Variants in SUMF1 observed in about 807,000 individuals in gnomAD.
SUMF1 encodes the protein formylglycine-generating enzyme.
In SUMF1, 48 loss-of-function variants were observed where a neutral mutation model predicts 47.6. The observed-to-expected ratio is 1.01, with a 90% CI of 0.80 to 1.28. The LOEUF is 1.28. Among genes scored for constraint, SUMF1 ranks in the 50% most tolerant of loss-of-function variants. The pLI is 0.00. For synonymous variants in SUMF1, 230 were observed against 192.1 expected (o/e 1.20, Z -1.63); for missense variants, 571 against 485.4 (o/e 1.18, Z -1.66).
chr3:4,152,995 C>G (rs1468193164), intron 8 of SUMF1, among the ~76,000 whole-genome samples: 2 of 151,510 alleles, frequency 1.3e-5, no homozygotes, highest in Non-Finnish European at 2.9e-5. Context: ...TTGGCATAAG[C>G]TAAGCAAAAA....
intron 8 of SUMF1, among the ~76,000 whole-genome samples, chr3:4,153,142 C>T (rs73118415): frequency 0.011 from 1,607 of 151,462 alleles, 93 homozygotes; most frequent in African/African-American, 0.038. Flanking sequence ...TGTTGTACAC[C>T]GTAAATACAT....
intron 8 of SUMF1, among the ~76,000 whole-genome samples, chr3:4,203,813 T>C (rs1695592405): frequency 6.6e-6 from 1 of 151,964 alleles, no homozygotes; most frequent in Admixed American, 6.6e-5. Context: ...TTGTAACTCA[T>C]TATTTTAAAT....
intron 8 of SUMF1, among the ~76,000 whole-genome samples, chr3:4,176,411 A>G (rs1211883551): frequency 6.6e-6 from 1 of 152,206 alleles, no homozygotes; most frequent in East Asian, 1.9e-4. Context: ...AGAATTTCCA[A>G]AACAGAATTT....
chr3:4,399,831 C>G (rs1234518289), intron 7 of SUMF1, among the ~76,000 whole-genome samples: 3 of 152,224 alleles, frequency 2.0e-5, no homozygotes, highest in African/African-American at 7.2e-5. Flanking sequence ...GATCTCGGCT[C>G]ACTGTAACCT....
chr3:4,204,418 T>C (rs1276002645), intron 8 of SUMF1, among the ~76,000 whole-genome samples: 1 of 152,160 alleles, frequency 6.6e-6, no homozygotes, highest in African/African-American at 2.4e-5. Context: ...TCTTTATTCT[T>C]AACCTTTGGG....
intron 8 of SUMF1, among the ~76,000 whole-genome samples, chr3:4,164,548 T>G (rs1448592945): frequency 1.3e-5 from 2 of 152,150 alleles, no homozygotes; most frequent in Non-Finnish European, 2.9e-5. Context: ...TAAGGTGTCC[T>G]TGCAAACCAC....
At chr3:4,093,473 G>A (rs373427605) in intron 8 of SUMF1, among the ~76,000 whole-genome samples, 5 of 152,152 alleles carry the variant, frequency 3.3e-5, no homozygotes, top group East Asian at 1.9e-4. Flanking sequence ...AGTGGTTGGG[G>A]AGAAGGAAAG....
At position 4,220,446 on chromosome 3, in the gene SUMF1, C is replaced by T. The variant is rs568115467; in HGVS notation, c.1015-151701G>A. On this transcript the variant is annotated intron_variant and NMD_transcript_variant, in intron 8 of 12. Coordinates refer to the SUMF1 transcript ENST00000448413. Reference sequence around the variant, plus strand: ...TGTGTGATGGAGAAGTTCATAGGAGCATTGCTTTCCAGGTCATTCTGTGAA... The same window carrying T: ...TGTGTGATGGAGAAGTTCATAGGAGTATTGCTTTCCAGGTCATTCTGTGAA... 2.0e-5 allele frequency among the ~76,000 whole-genome samples: 3 copies of T among 152,194 alleles called. No individual in the cohort carries two copies. The South Asian group carries it at 6.2e-4, about 32-fold the overall frequency.
chr3:4,111,740 A>G (rs941218722), intron 8 of SUMF1, among the ~76,000 whole-genome samples: 2 of 152,108 alleles, frequency 1.3e-5, no homozygotes, highest in East Asian at 1.9e-4. Context: ...ACCGTCTAAA[A>G]AAAACCCAAA....
chr3:4,261,626 TG>T (rs1697086929), intron 8 of SUMF1, among the ~76,000 whole-genome samples: 2 of 152,186 alleles, frequency 1.3e-5, no homozygotes, highest in East Asian at 3.9e-4. Flanking sequence ...GTGATATGCC[TG>T]CCGAGATCAT....
chr3:4,208,214 A>G (rs1349069711), intron 8 of SUMF1, among the ~76,000 whole-genome samples: 1 of 152,070 alleles, frequency 6.6e-6, no homozygotes, highest in African/African-American at 2.4e-5. Flanking sequence ...CAAGGGGAAA[A>G]GAAATACCCA....
intron 8 of SUMF1, among the ~76,000 whole-genome samples, chr3:4,296,938 C>T (rs1697864916): frequency 6.6e-6 from 1 of 152,080 alleles, no homozygotes; most frequent in Non-Finnish European, 1.5e-5. Flanking sequence ...GAGACTGAAA[C>T]CAGAAATAGA....
intron 8 of SUMF1, among the ~76,000 whole-genome samples, chr3:4,102,834 TAAGG>T (rs1315897349): frequency 2.8e-5 from 4 of 144,784 alleles, no homozygotes; most frequent in African/African-American, 1.0e-4. Context: ...GAAAGAGAAA[TAAGG>T]AAGGGAAGAG....
At chr3:4,355,244 T>A (rs191015503) in intron 8 of SUMF1, among the ~76,000 whole-genome samples, 11 of 152,144 alleles carry the variant, frequency 7.2e-5, no homozygotes, top group East Asian at 1.9e-4. Context: ...TAGTCCCAGA[T>A]ACTCAGAAGG....
intron 8 of SUMF1, among the ~76,000 whole-genome samples, chr3:4,221,424 T>A (rs1354716246): frequency 6.7e-6 from 1 of 149,852 alleles, no homozygotes; most frequent in Non-Finnish European, 1.5e-5. Flanking sequence ...GGTGTGTGTG[T>A]GTGTGTGTGT....
At chr3:4,154,098 C>T (rs1272548114) in intron 8 of SUMF1, among the ~76,000 whole-genome samples, 1 of 151,546 alleles carries the variant, frequency 6.6e-6, no homozygotes, top group Non-Finnish European at 1.5e-5. Flanking sequence ...CAAACCTAGA[C>T]TGAGATGTCC....
chr3:4,304,044 C>T (rs1278426205), intron 8 of SUMF1: 3 of 215,752 alleles, frequency 1.4e-5, no homozygotes, highest in African/African-American at 7.1e-5. Context: ...TACCTCTCTT[C>T]CGGAGTGCTT....
At chr3:4,203,766 TTTA>T (rs1695590934) in intron 8 of SUMF1, among the ~76,000 whole-genome samples, 1 of 151,936 alleles carries the variant, frequency 6.6e-6, no homozygotes, top group African/African-American at 2.4e-5. Flanking sequence ...GTAGGTTTTT[TTTA>T]TTTGAGGTTA....
At chr3:4,036,277 T>C (rs1180354561) in intron 9 of SUMF1, among the ~76,000 whole-genome samples, 1 of 152,162 alleles carries the variant, frequency 6.6e-6, no homozygotes, top group Admixed American at 6.5e-5. Flanking sequence ...GTTTAGAATG[T>C]AAACAAAGTA....
Sources: gnomAD v4.1 joint callset for allele counts (sites outside exome capture counted in the v4.1 genomes callset) on GRCh38, gnomAD v4.1.1 for gene constraint, MANE v1.5 for transcripts, NCBI Gene and HGNC (gene_info 2026-07-23, HGNC 2026-07-21) for gene names.